The following PCDH15 variants were observed in gnomAD, a reference collection of about 807,000 sequenced individuals.
PCDH15 encodes protocadherin-15.
Under a neutral mutation model 178.5 loss-of-function variants are expected in PCDH15, and 129 were observed. That is an observed-to-expected ratio of 0.72 (90% CI 0.63 to 0.84). PCDH15 has a LOEUF of 0.84. Ranked by LOEUF, PCDH15 falls within the 40% of genes least tolerant of loss-of-function variation. PCDH15 has a pLI of 0.00. For missense variants in PCDH15, 2,230 were observed against 2,099.9 expected (o/e 1.06, Z -1.21); for synonymous variants, 800 against 732.0 (o/e 1.09, Z -1.50).
intron 1 of PCDH15, among the ~76,000 whole-genome samples, chr10:55,288,535 T>A (rs1588882537): frequency 6.6e-6 from 1 of 151,838 alleles, no homozygotes; most frequent in African/African-American, 2.4e-5. Flanking sequence ...TCTTCCTACT[T>A]CTCCCTCCTC....
At chr10:54,520,383 C>T (rs910245546) in intron 3 of PCDH15, among the ~76,000 whole-genome samples, 1 of 152,092 alleles carries the variant, frequency 6.6e-6, no homozygotes, top group African/African-American at 2.4e-5. Context: ...AACAAACAAC[C>T]CCATCAAAAA....
chr10:54,060,278 A>G (rs2093986128), intron 18 of PCDH15, among the ~76,000 whole-genome samples: 1 of 152,318 alleles, frequency 6.6e-6, no homozygotes, highest in African/African-American at 2.4e-5. Flanking sequence ...TATCAACTTA[A>G]GATTTTATAG....
At chr10:55,207,364 A>G (rs889074501) in intron 1 of PCDH15, among the ~76,000 whole-genome samples, 2 of 152,098 alleles carry the variant, frequency 1.3e-5, no homozygotes, top group African/African-American at 4.8e-5. Context: ...CCTAAACCTC[A>G]GAAGACTGAA....
At position 54,634,799 on chromosome 10, in the gene PCDH15, A is replaced by T. The variant is rs557807173; in HGVS notation, c.91+29373T>A. 5.9e-5 allele frequency among the ~76,000 whole-genome samples: 9 copies of T among 152,198 alleles called. No individual in the cohort carries two copies. The East Asian group carries it at 1.7e-3, about 29-fold the overall frequency. ...AAATAAAAAAGACACATAGTTAGGC[A>T]TCTTCACAATTATAAACTGCTGCTT... On this transcript the variant is annotated intron_variant, in intron 2 of 37. Transcript: ENST00000644397.
intron 3 of PCDH15, among the ~76,000 whole-genome samples, chr10:54,455,489 G>A (rs1302202050): frequency 3.3e-5 from 5 of 152,162 alleles, no homozygotes; most frequent in Non-Finnish European, 7.3e-5. Context: ...AGGAGTTGGA[G>A]TATAGGTCAC....
intron 2 of PCDH15, chr10:55,506,422 A>T (rs1840759868): frequency 6.6e-6 from 1 of 151,544 alleles, no homozygotes; most frequent in South Asian, 2.1e-4. Context: ...AAGTTGGATA[A>T]TACTATTTGT....
intron 2 of PCDH15, among the ~76,000 whole-genome samples, chr10:55,423,107 T>C (rs1838662931): frequency 1.3e-5 from 2 of 152,050 alleles, no homozygotes; most frequent in African/African-American, 4.8e-5. Flanking sequence ...TAAAAGAAGA[T>C]ACATTGTTTC....
At chr10:54,992,671 C>T (rs1839532109) in intron 2 of PCDH15, among the ~76,000 whole-genome samples, 1 of 151,430 alleles carries the variant, frequency 6.6e-6, no homozygotes, top group Non-Finnish European at 1.5e-5. Context: ...AGGAGAATGG[C>T]ATGAACCTGG....
At chr10:54,519,086 C>A (rs566882807) in intron 3 of PCDH15, among the ~76,000 whole-genome samples, 138 of 152,264 alleles carry the variant, frequency 9.1e-4, no homozygotes, top group African/African-American at 3.3e-3. Context: ...CTATCTATGA[C>A]AAACCCACAG....
intron 2 of PCDH15, among the ~76,000 whole-genome samples, chr10:55,541,102 A>C (rs1841750060): frequency 6.6e-6 from 1 of 152,108 alleles, no homozygotes; most frequent in African/African-American, 2.4e-5. Context: ...TAACGTTTAG[A>C]AACAGGCAAC....
intron 21 of PCDH15, among the ~76,000 whole-genome samples, chr10:53,984,874 T>A (rs1267215810): frequency 6.6e-6 from 1 of 152,208 alleles, no homozygotes; most frequent in Non-Finnish European, 1.5e-5. Flanking sequence ...TACTTCCTAT[T>A]CTGATTTTTT....
chr10:55,379,117 T>A (rs114999008), intron 2 of PCDH15, among the ~76,000 whole-genome samples: 1,805 of 151,980 alleles, frequency 0.012, 40 homozygotes, highest in African/African-American at 0.04. Context: ...GATATATATA[T>A]ATATATGTAT....
At chr10:55,520,321 A>AAT (rs1841140772) in intron 2 of PCDH15, among the ~76,000 whole-genome samples, 1 of 38,384 alleles carries the variant, frequency 2.6e-5, no homozygotes, top group Admixed American at 2.9e-4. Context: ...ATATACATGC[A>AAT]ATGTGTATAT....
intron 1 of PCDH15, among the ~76,000 whole-genome samples, chr10:55,234,619 A>T (rs895110495): frequency 6.6e-6 from 1 of 151,986 alleles, no homozygotes; most frequent in African/African-American, 2.4e-5. Context: ...GGCCTCAAGC[A>T]ATCCACCTAC....
intron 28 of PCDH15, among the ~76,000 whole-genome samples, chr10:53,849,785 C>T (rs1229895627): frequency 2.8e-5 from 4 of 144,558 alleles, no homozygotes; most frequent in Non-Finnish European, 6.0e-5. Flanking sequence ...GACATGAACC[C>T]GGGAGACGGA....
intron 2 of PCDH15, among the ~76,000 whole-genome samples, chr10:55,122,291 T>C (rs1269468188): frequency 2.6e-5 from 4 of 152,220 alleles, no homozygotes; most frequent in Middle Eastern, 3.4e-3. Flanking sequence ...TTTCCAGAAG[T>C]ATGTTGTGAA....
rs375439173 is a variant in PCDH15, at chr10:55,079,670, C to A, written c.-80+86906G>T. 7.2e-5 allele frequency among the ~76,000 whole-genome samples: 11 copies of A among 152,244 alleles called. No homozygotes were observed. In the East Asian group the frequency reaches 7.7e-4, roughly 11 times the overall value. On this transcript the variant is annotated intron_variant, in intron 2 of 5. Coordinates refer to the PCDH15 transcript ENST00000458638. ...CCCTGGACAGCTAGTGTGGCATGGG[C>A]AATGGCAGTAATGGGATGACTCTCT...
chr10:54,870,425 T>C (rs1954014749), intron 3 of PCDH15, among the ~76,000 whole-genome samples: 1 of 152,172 alleles, frequency 6.6e-6, no homozygotes, highest in Admixed American at 6.6e-5. Flanking sequence ...TTAGTGTTCT[T>C]GATACTTATT....
intron 25 of PCDH15, among the ~76,000 whole-genome samples, chr10:53,911,516 T>C (rs546750236): frequency 1.4e-4 from 21 of 152,124 alleles, no homozygotes; most frequent in Non-Finnish European, 2.8e-4. Flanking sequence ...AGGAAAGATC[T>C]AAAATTGACA....
Sources: gnomAD v4.1 joint callset for allele counts (sites outside exome capture counted in the v4.1 genomes callset) on GRCh38, gnomAD v4.1.1 for gene constraint, MANE v1.5 for transcripts, NCBI Gene and HGNC (gene_info 2026-07-23, HGNC 2026-07-21) for gene names.